The following UPF2 variants were observed in gnomAD, a reference collection of about 807,000 sequenced individuals.
The protein encoded by UPF2 is regulator of nonsense transcripts 2.
In UPF2, 17 loss-of-function variants were observed where a neutral mutation model predicts 141.4. The ratio of observed to expected loss-of-function variants is 0.12; its 90% confidence interval spans 0.08 to 0.18. The LOEUF is 0.18. Among genes scored for constraint, UPF2 ranks in the 10% least tolerant of loss-of-function variants. The pLI, the probability that UPF2 is intolerant of heterozygous loss-of-function variation, is 1.00. For synonymous variants in UPF2, 540 were observed against 498.0 expected, an observed-to-expected ratio of 1.08 and a Z score of -1.12; for missense variants, 1,152 against 1,515.9, an observed-to-expected ratio of 0.76 and a Z score of 3.99.
intron 7 of UPF2, 57 bp from the exon 8 acceptor site, chr10:11,997,814 G>A (rs1833888432): frequency 6.9e-7 from 1 of 1,452,456 alleles, no homozygotes. Context: ...ACGGAGAGCA[G>A]AAATCCTGCC....
chr10:11,927,793 G>A (rs1226090722), intron 21 of UPF2, among the ~76,000 whole-genome samples: 1 of 152,006 alleles, frequency 6.6e-6, no homozygotes, highest in African/African-American at 2.4e-5. Context: ...ATTACAATTT[G>A]ATTAGAGTTA....
At chr10:11,965,188 T>C (rs1225533801) in intron 10 of UPF2, among the ~76,000 whole-genome samples, 1 of 152,182 alleles carries the variant, frequency 6.6e-6, no homozygotes, top group Non-Finnish European at 1.5e-5. Context: ...ATTATTTCCT[T>C]AAAATGAATT....
chr10:12,038,363 G>C (rs982849944), intron 1 of UPF2, among the ~76,000 whole-genome samples: 2 of 145,296 alleles, frequency 1.4e-5, no homozygotes, highest in Non-Finnish European at 1.5e-5. Context: ...ATGGGCGACA[G>C]AGTGAGACTC....
chr10:11,939,019 C>G lies in UPF2; in HGVS notation c.3379-2307G>C, dbSNP rs932027651. ...TCCCAAGTAGCTGGGACTACAGGCA[C>G]CCACCACCACAACCAGCTAATTTTT... On this transcript the variant is annotated intron_variant, in intron 18 of 21. Coordinates refer to ENST00000357604, the MANE Select transcript of UPF2 (RefSeq NM_015542.4). This position sits in a 1 kb window ranked among gnomAD's most constrained non-coding sequence, Gnocchi z 4.8. Among the ~76,000 whole-genome samples, 1 of 151,634 alleles carries G rather than the reference C, an allele frequency of 6.6e-6. No homozygotes were observed. Among genetic ancestry groups the G allele is most frequent in the Non-Finnish European group, 1.5e-5 (1 of 67,906 alleles).
intron 16 of UPF2, among the ~76,000 whole-genome samples, chr10:11,944,271 G>A (rs1021272292): frequency 6.6e-6 from 1 of 152,076 alleles, no homozygotes; most frequent in Admixed American, 6.5e-5. Flanking sequence ...CTGAGGTCAG[G>A]GGATCACTTG....
At chr10:12,003,762 C>A (rs922371287) in intron 5 of UPF2, among the ~76,000 whole-genome samples, 1 of 151,868 alleles carries the variant, frequency 6.6e-6, no homozygotes, top group Non-Finnish European at 1.5e-5. Flanking sequence ...CCCATCTCTA[C>A]TAAAAATACA....
intron 8 of UPF2, among the ~76,000 whole-genome samples, chr10:11,989,854 G>C (rs1028129281): frequency 6.6e-6 from 1 of 152,098 alleles, no homozygotes; most frequent in Non-Finnish European, 1.5e-5. Flanking sequence ...CTGGATCCTT[G>C]AGTCACCTCC....
At position 11,920,960 on chromosome 10, in the gene UPF2, T is replaced by C. The variant is rs1234303468; in HGVS notation, c.*338A>G. The C allele has an allele frequency of 3.5e-6, 2 of 568,428 alleles. No homozygotes were observed. Among genetic ancestry groups the C allele is most frequent in the East Asian group, 4.5e-5 (1 of 22,430 alleles). 35.2% of individuals were successfully genotyped at this position (568,428 alleles called of 1,614,324 possible). On this transcript the variant is annotated 3_prime_UTR_variant, in exon 22 of 22. Coordinates refer to ENST00000357604, the MANE Select transcript of UPF2 (RefSeq NM_015542.4). Reference sequence around the variant, plus strand: ...CATTACCATCACAACCCGTTTCTTCTCTGGCTCAATCATCTCCTTCACGCT... The same window carrying C: ...CATTACCATCACAACCCGTTTCTTCCCTGGCTCAATCATCTCCTTCACGCT...
At chr10:12,032,386 C>T (rs1039908368) in intron 2 of UPF2, among the ~76,000 whole-genome samples, 11 of 151,620 alleles carry the variant, frequency 7.3e-5, no homozygotes, top group Non-Finnish European at 4.4e-5. Context: ...ACTTATATAT[C>T]GAAGTTTTTA....
chr10:11,929,822 T>G (rs1647939796), intron 21 of UPF2, 43 bp downstream of exon 21: 1 of 1,600,498 alleles, frequency 6.2e-7, no homozygotes, highest in African/African-American at 1.3e-5. Flanking sequence ...CTTATGGACA[T>G]CATGGAAACA....
rs1832645168 is a variant in UPF2 at position 11,921,563 on chromosome 10, A to G, written c.3810-256T>C. Among the ~76,000 whole-genome samples, 1 of 152,262 alleles carries G rather than the reference A, an allele frequency of 6.6e-6. No individual in the cohort carries two copies. The highest frequency in any genetic ancestry group is 1.5e-5 in the Non-Finnish European group (1 of 68,040). On this transcript the variant is annotated intron_variant, in intron 21 of 21. Transcript: ENST00000357604. The surrounding 1 kb of genome is among the most constrained non-coding windows in gnomAD (Gnocchi z 5.9). ...TAGCATCTACACTTTATTAGGTATT[A>G]CAAGTAATGTAGAGATGATGTAAAG...
Position 11,952,112 on chromosome 10 carries a change from G to A in UPF2, c.2988C>T (p.Ser996=), listed in dbSNP as rs773493248. 7.4e-6 allele frequency: 12 copies of A among 1,613,912 alleles called. No homozygotes were observed. In the Admixed American group the frequency reaches 1.8e-4, roughly 25 times the overall value. The change falls in exon 15 of 22, where the codon TCC becomes TCT. Residue 996 remains serine (S), a synonymous_variant. Transcript: ENST00000357604. ...GTTCCAAGTCTTGTACCTGCCTGAT[G>A]GATTCTTCCAGAGAATTACAGAGTT... ...KIKLCNSLEE[S]IRQVQDLERE... is the part of the protein sequence containing the mutation.
rs372060564 is a variant in UPF2, at chr10:12,029,113, G to A, written c.777C>T (p.Ile259=). 25 of 1,614,108 alleles carry A rather than the reference G, an allele frequency of 1.5e-5. No individual in the cohort carries two copies. In the Admixed American group the frequency reaches 4.0e-4, roughly 26 times the overall value. Residue 259 remains isoleucine, a synonymous_variant, in exon 3 of 22, where the codon ATC becomes ATT. Coordinates refer to ENST00000357604, the MANE Select transcript of UPF2 (RefSeq NM_015542.4). The stretch of plus-strand genomic sequence containing the variant: ...AACGCAAATCAGTTCTTAACTTGGT[G>A]ATGTTAGGTGTTTTCTCCTCTTTCC... The part of the protein sequence containing the change: ...EARKEEKTPN[I]TKLRTDLRFI...
chr10:12,015,833 C>A (rs895502027), intron 3 of UPF2, among the ~76,000 whole-genome samples: 1 of 152,140 alleles, frequency 6.6e-6, no homozygotes, highest in African/African-American at 2.4e-5. Flanking sequence ...CTTTTCAAAT[C>A]TGGTCTATTA....
chr10:12,026,776 A>G (rs1440842747), intron 3 of UPF2: 1 of 396,826 alleles, frequency 2.5e-6, no homozygotes, highest in Non-Finnish European at 4.9e-6. Context: ...TCAGTCCCCC[A>G]CAAGTAGCTG....
chr10:12,027,438 G>A (rs535212925), intron 3 of UPF2, among the ~76,000 whole-genome samples: 2 of 152,096 alleles, frequency 1.3e-5, no homozygotes, highest in East Asian at 1.9e-4. Flanking sequence ...TAGGATGTAC[G>A]AGCAAAGGAC....
At chr10:11,934,475 C>T (rs190930661) in intron 19 of UPF2, among the ~76,000 whole-genome samples, 33 of 152,314 alleles carry the variant, frequency 2.2e-4, no homozygotes, top group Non-Finnish European at 4.0e-4. Context: ...CAAGGCCGGA[C>T]GATGGCAGTG....
intron 4 of UPF2, among the ~76,000 whole-genome samples, chr10:12,011,163 T>A (rs1192155439): frequency 1.3e-5 from 2 of 152,228 alleles, no homozygotes; most frequent in Non-Finnish European, 2.9e-5. Flanking sequence ...TTTTATTTTT[T>A]AAAATTTTTT....
Position 11,959,635 on chromosome 10 carries a change from C to CA in UPF2, c.2185-280_2185-279insT, listed in dbSNP as rs771999926. ...ATTAGCCAGGTGTGGTGGCGCACAC[C>CA]TGTAGTCCCAGCTACTTGGGAGGTT... is the stretch of plus-strand genomic sequence containing the variant. On this transcript the variant is annotated intron_variant, in intron 11 of 21. Transcript: ENST00000357604. This position sits in a 1 kb window ranked among gnomAD's most constrained non-coding sequence, Gnocchi z 5.9. Among the ~76,000 whole-genome samples, 19 of 152,086 alleles carry CA rather than the reference C, an allele frequency of 1.2e-4. No homozygotes were observed. Among genetic ancestry groups the CA allele is most frequent in the Admixed American group, 2.6e-4 (4 of 15,268 alleles).
Sources: allele counts gnomAD v4.1 joint callset (sites outside exome capture counted in the v4.1 genomes callset), GRCh38; gene constraint gnomAD v4.1.1; non-coding constraint Gnocchi (gnomAD v3.1); transcripts MANE v1.5; gene names NCBI Gene and HGNC (gene_info 2026-07-23, HGNC 2026-07-21).